The following RGS6 variants were observed in gnomAD, a reference collection of about 807,000 sequenced individuals.
RGS6 encodes the protein regulator of G-protein signaling 6.
RGS6 carries 30 observed loss-of-function variants against 78.5 expected under a neutral mutation model. That is an observed-to-expected ratio of 0.38 (90% confidence interval 0.29 to 0.52). The LOEUF (loss-of-function observed/expected upper bound fraction) is 0.52. Among genes scored for constraint, RGS6 ranks in the 20% least tolerant of loss-of-function variants. RGS6 has a pLI of 0.85. For synonymous variants in RGS6, 206 were observed against 206.0 expected (o/e 1.00, Z 0.00); for missense variants, 495 against 609.7 (o/e 0.81, Z 1.98).
chr14:72,027,933 A>G (rs915643351), intron 2 of RGS6, among the ~76,000 whole-genome samples: 5 of 152,072 alleles, frequency 3.3e-5, no homozygotes, highest in African/African-American at 9.7e-5. Context: ...TGTTTTTGTT[A>G]ATTTTTGAAG....
intron 2 of RGS6, among the ~76,000 whole-genome samples, chr14:71,992,377 A>G (rs2094996388): frequency 6.6e-6 from 1 of 152,230 alleles, no homozygotes. Flanking sequence ...TTATTGATAT[A>G]TCATTATTTA....
rs374872068 is a variant in RGS6, at chr14:72,196,086, A to G, written c.85-156009A>G. 6.6e-5 allele frequency among the ~76,000 whole-genome samples: 10 copies of G among 152,100 alleles called. No homozygotes were observed. In the South Asian group the frequency reaches 1.0e-3, roughly 16 times the overall value. ...TAGTAGTGGAGCCATGAAATGGGGGAGGGGGAGACTGAACCAAAGGAGATG... is the reference window on the plus strand; with the variant it reads ...TAGTAGTGGAGCCATGAAATGGGGGGGGGGGAGACTGAACCAAAGGAGATG... On this transcript the variant is annotated intron_variant, in intron 2 of 17. Coordinates refer to ENST00000553525, the MANE Select transcript of RGS6 (RefSeq NM_001204424.2).
At chr14:72,163,650 T>C (rs1243924464) in intron 2 of RGS6, among the ~76,000 whole-genome samples, 1 of 152,178 alleles carries the variant, frequency 6.6e-6, no homozygotes, top group Non-Finnish European at 1.5e-5. Context: ...TTTGGGAGGC[T>C]GAGGTGGGCG....
At chr14:72,266,186 G>A (rs1363358307) in intron 2 of RGS6, among the ~76,000 whole-genome samples, 1 of 152,182 alleles carries the variant, frequency 6.6e-6, no homozygotes, top group African/African-American at 2.4e-5. Context: ...AACTGGAGGT[G>A]ATTAAGATGG....
intron 2 of RGS6, among the ~76,000 whole-genome samples, chr14:72,330,397 T>G (rs1442334295): frequency 6.6e-6 from 1 of 152,148 alleles, no homozygotes; most frequent in Non-Finnish European, 1.5e-5. Context: ...CCTTCAGCTA[T>G]TAGCAGTGAC....
downstream of RGS6, among the ~76,000 whole-genome samples, chr14:72,568,078 C>T (rs187674141): frequency 2.6e-5 from 4 of 152,308 alleles, no homozygotes; most frequent in East Asian, 3.9e-4. Flanking sequence ...CTCTCTGGTA[C>T]GCTCTTCCTC....
the RGS6 span, among the ~76,000 whole-genome samples, chr14:72,614,336 C>A: frequency 1.3e-5 from 2 of 152,216 alleles, no homozygotes; most frequent in Admixed American, 6.5e-5. Context: ...CCATCCTTCC[C>A]CTTCACCTGG....
intron 2 of RGS6, among the ~76,000 whole-genome samples, chr14:72,345,538 A>G (rs2077862548): frequency 6.6e-6 from 1 of 152,196 alleles, no homozygotes; most frequent in African/African-American, 2.4e-5. Context: ...AGAAGAAGGG[A>G]GCCGTGATGG....
intron 2 of RGS6, among the ~76,000 whole-genome samples, chr14:72,296,589 C>G (rs1397521153): frequency 1.3e-5 from 2 of 152,162 alleles, no homozygotes; most frequent in African/African-American, 4.8e-5. Flanking sequence ...ATTGCCTTTT[C>G]TAAGTGCTTA....
intron 2 of RGS6, among the ~76,000 whole-genome samples, chr14:71,996,889 A>T (rs551738279): frequency 1.3e-5 from 2 of 152,196 alleles, no homozygotes; most frequent in East Asian, 3.9e-4. Context: ...GGGAACTGTT[A>T]GCTTGTATGG....
chr14:72,234,352 A>G (rs1017722500), intron 2 of RGS6, among the ~76,000 whole-genome samples: 3 of 152,000 alleles, frequency 2.0e-5, no homozygotes, highest in African/African-American at 7.3e-5. Context: ...GACACATACT[A>G]TCTTGACTCA....
chr14:72,379,834 A>G (rs1302533881), intron 3 of RGS6, among the ~76,000 whole-genome samples: 1 of 152,140 alleles, frequency 6.6e-6, no homozygotes, highest in African/African-American at 2.4e-5. Flanking sequence ...ATGTACATGG[A>G]ACCACAAAAG....
chr14:72,288,020 A>G (rs1009749896), intron 2 of RGS6, among the ~76,000 whole-genome samples: 4 of 152,144 alleles, frequency 2.6e-5, no homozygotes, highest in Non-Finnish European at 5.9e-5. Context: ...TTTTACATCT[A>G]TGTTCATCAG....
intron 2 of RGS6, among the ~76,000 whole-genome samples, chr14:72,232,414 C>G (rs2049881418): frequency 6.6e-6 from 1 of 152,220 alleles, no homozygotes; most frequent in Non-Finnish European, 1.5e-5. Flanking sequence ...TCTTTGCATG[C>G]ACTTCTTTCT....
At chr14:72,498,050 A>G (rs181698496) in intron 13 of RGS6, among the ~76,000 whole-genome samples, 178 of 152,180 alleles carry the variant, frequency 1.2e-3, no homozygotes, top group African/African-American at 4.2e-3. Flanking sequence ...ACTGGTGTCC[A>G]TTCTGTGATT....
chr14:72,540,845 C>T (rs2097315879), intron 17 of RGS6: 1 of 985,238 alleles, frequency 1.0e-6, no homozygotes, highest in Non-Finnish European at 1.2e-6. Flanking sequence ...CATGGTACGC[C>T]CCAGCTAGAG....
At chr14:72,527,383 G>C (rs571699687) in intron 15 of RGS6, among the ~76,000 whole-genome samples, 93 of 152,336 alleles carry the variant, frequency 6.1e-4, no homozygotes, top group African/African-American at 2.2e-3. Context: ...TGAGAAGAGC[G>C]TGAGCTTTGG....
intron 3 of RGS6, among the ~76,000 whole-genome samples, chr14:72,357,188 C>G (rs919057987): frequency 2.0e-5 from 3 of 151,866 alleles, no homozygotes; most frequent in Non-Finnish European, 2.9e-5. Flanking sequence ...AGGAGAATCA[C>G]TTGAGCCCAG....
intron 2 of RGS6, among the ~76,000 whole-genome samples, chr14:72,052,088 C>A (rs1358304136): frequency 6.6e-6 from 1 of 152,084 alleles, no homozygotes; most frequent in Non-Finnish European, 1.5e-5. Flanking sequence ...AAGATAGGCT[C>A]TGGGCATCAC....
Sources: gnomAD v4.1 joint callset for allele counts (sites outside exome capture counted in the v4.1 genomes callset) on GRCh38, gnomAD v4.1.1 for gene constraint, MANE v1.5 for transcripts, NCBI Gene and HGNC (gene_info 2026-07-23, HGNC 2026-07-21) for gene names.